Variants in CD226 observed in about 807,000 individuals in gnomAD.
CD226 encodes CD226 molecule.
Under a neutral mutation model 34.9 loss-of-function variants are expected in CD226, and 24 were observed. The ratio of observed to expected loss-of-function variants is 0.69; its 90% confidence interval spans 0.50 to 0.97. CD226 has a LOEUF of 0.97. Among genes scored for constraint, CD226 ranks in the 50% least tolerant of loss-of-function variants. CD226 has a pLI of 0.00. For synonymous variants in CD226, 148 were observed against 147.4 expected, an observed-to-expected ratio of 1.00 and a Z score of -0.03; for missense variants, 397 against 412.7, an observed-to-expected ratio of 0.96 and a Z score of 0.33.
chr18:69,888,792 TAC>T (rs1984713971), intron 3 of CD226, among the ~76,000 whole-genome samples: 1 of 152,326 alleles, frequency 6.6e-6, no homozygotes, highest in East Asian at 1.9e-4. Flanking sequence ...GGTAGCAATG[TAC>T]AGTCAACAAT....
exon 1 of CD226, chr18:69,956,780 T>G (rs1302487506): frequency 6.6e-6 from 1 of 152,282 alleles, no homozygotes; most frequent in East Asian, 1.9e-4. Flanking sequence ...CTGCTCGCTC[T>G]AACGCTTCTT....
intron 2 of CD226, among the ~76,000 whole-genome samples, chr18:69,924,753 C>A (rs959551765): frequency 1.6e-5 from 2 of 128,926 alleles, no homozygotes; most frequent in African/African-American, 2.8e-5. Flanking sequence ...CCCAGAGGTA[C>A]AAATAAGCAG....
At chr18:69,954,658 G>A (rs1399770030) in intron 1 of CD226, among the ~76,000 whole-genome samples, 1 of 151,994 alleles carries the variant, frequency 6.6e-6, no homozygotes, top group Non-Finnish European at 1.5e-5. Context: ...GGTACTAACT[G>A]GTAATAACTT....
chr18:69,886,722 T>TAAAAA (rs1984580511), intron 3 of CD226, among the ~76,000 whole-genome samples: 1 of 151,196 alleles, frequency 6.6e-6, no homozygotes, highest in Admixed American at 6.6e-5. Flanking sequence ...AAAATAAAAA[T>TAAAAA]AAAAATAAAA....
Position 69,913,829 on chromosome 18 carries a change from G to A in CD226, c.383-17784C>T, listed in dbSNP as rs530203029. ...CAAGGGACCAGCCCTCTGAAAGATG[G>A]GCTTCAGATGTGCTAAAAGAATTGG... On this transcript the variant is annotated intron_variant, in intron 2 of 5. Transcript: ENST00000582621. Among the ~76,000 whole-genome samples, 11 of 152,252 alleles carry A rather than the reference G, an allele frequency of 7.2e-5. No homozygotes were observed. The South Asian group carries it at 2.3e-3, about 32-fold the overall frequency.
upstream of CD226, among the ~76,000 whole-genome samples, chr18:69,951,380 A>G (rs984167094): frequency 5.3e-5 from 8 of 152,158 alleles, no homozygotes; most frequent in African/African-American, 1.9e-4. Flanking sequence ...GAAAAACAGC[A>G]TGGAATGTGA....
intron 2 of CD226, among the ~76,000 whole-genome samples, chr18:69,923,479 T>C (rs923075015): frequency 2.0e-5 from 3 of 152,172 alleles, no homozygotes; most frequent in Admixed American, 6.5e-5. Flanking sequence ...AAAACATTTG[T>C]TGTTCTCTAG....
chr18:69,959,000 G>A (rs940359957), upstream of CD226, among the ~76,000 whole-genome samples: 3 of 152,216 alleles, frequency 2.0e-5, no homozygotes, highest in South Asian at 6.2e-4. Context: ...CTCGAAATAT[G>A]GTAATAAATA....
At chr18:69,908,808 G>T (rs1424357024) in intron 2 of CD226, among the ~76,000 whole-genome samples, 3 of 152,140 alleles carry the variant, frequency 2.0e-5, no homozygotes, top group South Asian at 2.1e-4. Context: ...ACTAGAATCT[G>T]CCATATACTC....
At chr18:69,890,936 CTTT>C (rs1404127297) in intron 3 of CD226, among the ~76,000 whole-genome samples, 1 of 144,254 alleles carries the variant, frequency 6.9e-6, no homozygotes, top group African/African-American at 2.6e-5. Flanking sequence ...TGATTTAATT[CTTT>C]TTTAAAAAAA....
intron 2 of CD226, among the ~76,000 whole-genome samples, chr18:69,923,040 G>A (rs1043520806): frequency 6.6e-6 from 1 of 152,108 alleles, no homozygotes; most frequent in Non-Finnish European, 1.5e-5. Flanking sequence ...GGCTGAGGCA[G>A]GAGAATGGCT....
At chr18:69,926,510 G>T (rs187412550) in intron 2 of CD226, among the ~76,000 whole-genome samples, 5 of 152,016 alleles carry the variant, frequency 3.3e-5, no homozygotes, top group Admixed American at 3.3e-4. Flanking sequence ...ATGATAGGGA[G>T]GAGGGCAGGA....
At chr18:69,952,535 A>C (rs374501029), upstream of CD226, among the ~76,000 whole-genome samples, 26 of 152,350 alleles carry the variant, frequency 1.7e-4, no homozygotes, top group African/African-American at 6.0e-4. Flanking sequence ...TGGTCCTGGG[A>C]CAACTGGATA....
chr18:69,940,058 C>T (rs1230577666), intron 2 of CD226, among the ~76,000 whole-genome samples: 1 of 152,168 alleles, frequency 6.6e-6, no homozygotes, highest in African/African-American at 2.4e-5. Flanking sequence ...TTCCCCCATC[C>T]TGTTCTCATG....
intron 2 of CD226, among the ~76,000 whole-genome samples, chr18:69,917,926 A>G (rs2055405412): frequency 6.6e-6 from 1 of 152,160 alleles, no homozygotes; most frequent in South Asian, 2.1e-4. Context: ...AGAGCTTTAT[A>G]ATGACCAAGA....
chr18:69,869,446 T>C (rs538843518), intron 4 of CD226, among the ~76,000 whole-genome samples: 66 of 152,196 alleles, frequency 4.3e-4, no homozygotes, highest in Non-Finnish European at 8.1e-4. Context: ...AAGTGGGAGC[T>C]AAATGATGAG....
intron 3 of CD226, among the ~76,000 whole-genome samples, chr18:69,876,392 A>G (rs1302553116): frequency 6.6e-6 from 1 of 152,242 alleles, no homozygotes; most frequent in Non-Finnish European, 1.5e-5. Flanking sequence ...ACACTGTTCA[A>G]TTATAAATCC....
At chr18:69,950,031 G>T, upstream of CD226, among the ~76,000 whole-genome samples, 1 of 146,874 alleles carries the variant, frequency 6.8e-6, no homozygotes, top group East Asian at 2.1e-4. Flanking sequence ...ATCACATGCA[G>T]GTGCACACAT....
intron 2 of CD226, among the ~76,000 whole-genome samples, chr18:69,899,211 A>T (rs1226836129): frequency 6.6e-6 from 1 of 152,156 alleles, no homozygotes. Flanking sequence ...TGCTGGGTAC[A>T]TCTTCACATC....
Sources: gnomAD v4.1 joint callset for allele counts (sites outside exome capture counted in the v4.1 genomes callset) on GRCh38, gnomAD v4.1.1 for gene constraint, MANE v1.5 for transcripts, NCBI Gene and HGNC (gene_info 2026-07-23, HGNC 2026-07-21) for gene names.